Variants in ACACA observed in about 807,000 individuals in gnomAD.
ACACA encodes the protein acetyl-CoA carboxylase 1.
A neutral mutation model predicts 296.1 loss-of-function variants in ACACA; 103 were observed. That is an observed-to-expected ratio of 0.35 (90% CI 0.30 to 0.41). The LOEUF (loss-of-function observed/expected upper bound fraction) is 0.41, where lower values mean the gene tolerates loss of function less well. Among genes scored for constraint, ACACA ranks in the 10% least tolerant of loss-of-function variants. The pLI is 1.00. For missense variants in ACACA, 1,554 were observed against 2,989.7 expected, an observed-to-expected ratio of 0.52 and a Z score of 11.20; for synonymous variants, 953 against 1,038.6, an observed-to-expected ratio of 0.92 and a Z score of 1.58.
At chr17:37,336,248 T>A (rs2048112565) in intron 2 of ACACA, among the ~76,000 whole-genome samples, 1 of 151,896 alleles carries the variant, frequency 6.6e-6, no homozygotes, top group Non-Finnish European at 1.5e-5. Context: ...CCCGAGGAAA[T>A]CTCAACTGCA....
chr17:37,348,996 C>T (rs979419563), intron 1 of ACACA, among the ~76,000 whole-genome samples: 1 of 150,708 alleles, frequency 6.6e-6, no homozygotes, highest in South Asian at 2.1e-4. Context: ...TGGCAAATAT[C>T]GTAAATATAT....
rs545925887 is a variant in ACACA, at chr17:37,256,589, G to T, written c.1826+1114C>A. 5.3e-5 allele frequency among the ~76,000 whole-genome samples: 8 copies of T among 152,196 alleles called. No individual in the cohort carries two copies. In the East Asian group the frequency reaches 1.4e-3, roughly 26 times the overall value. ...CTCTACAAAAAATTTAAAATTTGCT[G>T]GACATGATGGTGCACACCTGCAGTC... On this transcript the variant is annotated intron_variant, in intron 14 of 55. Transcript: ENST00000616317.
intron 3 of ACACA, among the ~76,000 whole-genome samples, chr17:37,324,739 G>A (rs2047520203): frequency 1.3e-5 from 2 of 149,840 alleles, no homozygotes; most frequent in South Asian, 4.2e-4. Flanking sequence ...AGAGGCTGAG[G>A]CAGGAGAATT....
chr17:37,141,181 G>A (rs542401382), intron 45 of ACACA: 7 of 541,160 alleles, frequency 1.3e-5, no homozygotes, highest in Non-Finnish European at 2.5e-5. Context: ...CTTGAGAGAG[G>A]TCCCCACGAA....
intron 1 of ACACA, among the ~76,000 whole-genome samples, chr17:37,349,691 G>C (rs1424160888): frequency 6.6e-6 from 1 of 151,160 alleles, no homozygotes; most frequent in East Asian, 1.9e-4. Flanking sequence ...CAAGTAGCTG[G>C]GATTACAGGT....
Position 37,391,628 on chromosome 17 carries a change from AT to A in ACACA, c.38+14633del, listed in dbSNP as rs1484656039. The A allele has an allele frequency of 3.7e-6, 6 of 1,610,074 alleles. No homozygotes were observed. The African/African-American group carries it at 8.0e-5, about 22-fold the overall frequency. On this transcript the variant is annotated intron_variant, in intron 1 of 55. Transcript: ENST00000616317. ...ACTTGCATCCTTTTTTAACTTTCAT[AT>A]TTCCTTTCAATCTCTAGGTTGGACA...
intron 48 of ACACA, chr17:37,122,844 T>G: frequency 1.6e-6 from 1 of 631,620 alleles, no homozygotes; most frequent in East Asian, 2.8e-5. Context: ...TCACTTCTAT[T>G]CGGAAATGTC....
chr17:37,377,702 T>A (rs542222003), intron 1 of ACACA, among the ~76,000 whole-genome samples: 95 of 138,516 alleles, frequency 6.9e-4, no homozygotes, highest in Non-Finnish European at 1.3e-3. Flanking sequence ...AATAAATAAA[T>A]AAAAGTAAAG....
intron 3 of ACACA, chr17:37,328,951 C>A (rs1227405476): frequency 5.0e-6 from 2 of 398,552 alleles, no homozygotes; most frequent in African/African-American, 2.1e-5. Flanking sequence ...ACAGTGAGAA[C>A]CAAGAACCAC....
In ACACA at chr17:37,316,333, A is replaced by ACC. The variant is rs1555642063; in HGVS notation, c.338+13838_338+13839dup. Among the ~76,000 whole-genome samples the ACC allele has an allele frequency of 4.7e-4, 71 of 149,666 alleles. 1 individual carries two copies. Among genetic ancestry groups the ACC allele is most frequent in the African/African-American group, 1.6e-3 (66 of 40,410 alleles). On this transcript the variant is annotated intron_variant, in intron 3 of 55. Coordinates refer to ENST00000616317, the MANE Select transcript of ACACA (RefSeq NM_198834.3). ...CACACACACACACACACACACACACACCCCTAACTTTGCTAGCCTTTTTTC... is the reference window on the plus strand; with the variant it reads ...CACACACACACACACACACACACACACCCCCCTAACTTTGCTAGCCTTTTTTC...
intron 33 of ACACA, among the ~76,000 whole-genome samples, chr17:37,203,226 T>C (rs892350265): frequency 4.6e-5 from 7 of 151,880 alleles, no homozygotes; most frequent in Non-Finnish European, 7.4e-5. Flanking sequence ...TCCCAAAGTG[T>C]TGGGATTACA....
At position 37,389,673 on chromosome 17, in the gene ACACA, T is replaced by C. The variant is rs1316008553; in HGVS notation, c.38+16589A>G. Among the ~76,000 whole-genome samples the C allele has an allele frequency of 6.7e-5, 10 of 149,522 alleles. 1 individual carries two copies. Among genetic ancestry groups the C allele is most frequent in the Admixed American group, 4.7e-4 (7 of 14,918 alleles). ...TTGTACTCCAGCCTGGGCAACAGAG[T>C]AAGACTCTGTCTCAAAAAAAAAAGA... On this transcript the variant is annotated intron_variant, in intron 1 of 55. Transcript: ENST00000616317.
chr17:37,380,355 G>C (rs1414265744), intron 1 of ACACA, among the ~76,000 whole-genome samples: 2 of 151,590 alleles, frequency 1.3e-5, no homozygotes, highest in Non-Finnish European at 2.9e-5. Flanking sequence ...CAGCGCACCA[G>C]CATGGCACAT....
chr17:37,261,227 C>A (rs2081500581), intron 11 of ACACA, among the ~76,000 whole-genome samples: 1 of 152,172 alleles, frequency 6.6e-6, no homozygotes, highest in South Asian at 2.1e-4. Flanking sequence ...ATGAGATTAT[C>A]ACCCTGAAGC....
At chr17:37,183,921 CGGCTCACCACAACCTCTGCCTCCT>C (rs1005129793) in intron 39 of ACACA, among the ~76,000 whole-genome samples, 2 of 140,974 alleles carry the variant, frequency 1.4e-5, no homozygotes. Flanking sequence ...GGTGCGATCT[CGGCTCACCACAACCTCTGCCTCCT>C]GGGTTCAAGT....
Position 37,161,918 on chromosome 17 carries a change from T to G in ACACA, c.5212A>C (p.Arg1738=). 6.2e-7 allele frequency: 1 copy of G among 1,614,194 alleles called. No homozygotes were observed. The highest frequency in any genetic ancestry group is 8.5e-7 in the Non-Finnish European group (1 of 1,180,026). The change falls in exon 42 of 56, where the codon AGA becomes CGA. Residue 1738 remains arginine (R), a synonymous_variant. Transcript: ENST00000616317. ...TCTGCCCTAGCAAGTTCGGAAGCTC[T>G]GAGAAATAACAAATCCTCTTGAGGC... is the stretch of plus-strand genomic sequence containing the variant. ...FGPQEDLLFL[R]ASELARAEGI... is the part of the protein sequence containing the mutation.
At position 37,328,147 on chromosome 17, in the gene ACACA, C is replaced by T. The variant is rs185176491; in HGVS notation, c.338+2026G>A. 4.7e-4 allele frequency among the ~76,000 whole-genome samples: 71 copies of T among 152,254 alleles called. 1 individual carries two copies. Among genetic ancestry groups the T allele is most frequent in the East Asian group, 3.5e-3 (18 of 5,190 alleles). On this transcript the variant is annotated intron_variant, in intron 3 of 55. Coordinates refer to ENST00000616317, the MANE Select transcript of ACACA (RefSeq NM_198834.3). ...TATATAATTAAGACACCTGTATGGA[C>T]GGGAAAGTAGAGTAGAAAAGTTAGT...
intron 1 of ACACA, among the ~76,000 whole-genome samples, chr17:37,356,193 T>C (rs900882336): frequency 1.3e-5 from 2 of 151,944 alleles, no homozygotes; most frequent in Non-Finnish European, 2.9e-5. Flanking sequence ...TAAAATTAAA[T>C]TGAAACAAGC....
In ACACA at chr17:37,393,277, C is replaced by A. The variant is rs370430204; in HGVS notation, c.38+12985G>T. On this transcript the variant is annotated intron_variant, in intron 1 of 55. Coordinates refer to ENST00000616317, the MANE Select transcript of ACACA (RefSeq NM_198834.3). ...ATATTATTTGCATCCTGCCACTGAT[C>A]CACGATGTTGCCTCAAGTTTATTTT... Among the ~76,000 whole-genome samples the A allele has an allele frequency of 1.2e-4, 19 of 152,206 alleles. No individual in the cohort carries two copies. In the East Asian group the frequency reaches 1.5e-3, roughly 12 times the overall value.
Sources: allele counts gnomAD v4.1 joint callset (sites outside exome capture counted in the v4.1 genomes callset), GRCh38; gene constraint gnomAD v4.1.1; transcripts MANE v1.5; gene names NCBI Gene and HGNC (gene_info 2026-07-23, HGNC 2026-07-21).